Variants in GPRIN3 observed in about 807,000 individuals in gnomAD.
GPRIN3 encodes the protein G protein-regulated inducer of neurite outgrowth 3.
GPRIN3 carries 12 observed loss-of-function variants against 13.7 expected under a neutral mutation model. The ratio of observed to expected loss-of-function variants is 0.87; its 90% CI spans 0.56 to 1.42. The LOEUF (loss-of-function observed/expected upper bound fraction) is 1.42, where lower values mean the gene tolerates loss of function less well. Among genes scored for constraint, GPRIN3 ranks in the 40% most tolerant of loss-of-function variants. The probability of loss-of-function intolerance (pLI) is 0.00; values close to 1 mark genes in which losing one functional copy is unlikely to be tolerated. For synonymous variants in GPRIN3, 377 were observed against 372.7 expected (o/e 1.01, Z -0.13); for missense variants, 1,009 against 958.7 (o/e 1.05, Z -0.69).
At chr4:89,266,267 G>C (rs542541362) in intron 1 of GPRIN3, among the ~76,000 whole-genome samples, 1 of 152,080 alleles carries the variant, frequency 6.6e-6, no homozygotes, top group African/African-American at 2.4e-5. Flanking sequence ...TGCCCCTAAC[G>C]GACAGACAAA....
intron 1 of GPRIN3, among the ~76,000 whole-genome samples, chr4:89,297,009 C>T (rs548575724): frequency 6.6e-6 from 1 of 152,308 alleles, no homozygotes; most frequent in Admixed American, 6.5e-5. Context: ...ATTTGCATCA[C>T]CAACAGAGTC....
intron 1 of GPRIN3, among the ~76,000 whole-genome samples, chr4:89,267,965 G>C (rs1723827045): frequency 6.6e-6 from 1 of 152,150 alleles, no homozygotes; most frequent in South Asian, 2.1e-4. Context: ...TGACTTATCA[G>C]ATTGCGTGAT....
intron 1 of GPRIN3, among the ~76,000 whole-genome samples, chr4:89,262,009 C>G (rs922890698): frequency 6.6e-6 from 1 of 151,412 alleles, no homozygotes; most frequent in African/African-American, 2.4e-5. Flanking sequence ...GTGGTCCCAG[C>G]TACTTGGTTA....
rs139472074 is a variant in GPRIN3 at position 89,303,210 on chromosome 4, C to T, written c.-124+4405G>A. ...GATGGACAAGTCATAGAGCAACTGA[C>T]GAAAAGAAAATATGGCAGATGCTGC... On this transcript the variant is annotated intron_variant, in intron 1 of 1. Transcript: ENST00000609438. Among the ~76,000 whole-genome samples, 20 of 152,300 alleles carry T rather than the reference C, an allele frequency of 1.3e-4. No homozygotes were observed. In the East Asian group the frequency reaches 3.5e-3, roughly 26 times the overall value.
chr4:89,280,383 C>T (rs971110609), intron 1 of GPRIN3, among the ~76,000 whole-genome samples: 8 of 152,204 alleles, frequency 5.3e-5, no homozygotes, highest in East Asian at 1.9e-4. Context: ...ATGGTACCCA[C>T]ATATTTCAAG....
chr4:89,286,066 T>A (rs909987997), intron 1 of GPRIN3, among the ~76,000 whole-genome samples: 1 of 140,558 alleles, frequency 7.1e-6, no homozygotes, highest in Non-Finnish European at 1.5e-5. Flanking sequence ...GTTGCTCAAT[T>A]ACATGTGTAC....
chr4:89,292,011 T>C (rs1272517847), intron 1 of GPRIN3, among the ~76,000 whole-genome samples: 1 of 152,182 alleles, frequency 6.6e-6, no homozygotes, highest in Non-Finnish European at 1.5e-5. Context: ...GGTTTCTTTG[T>C]GGGTAAGGAA....
Position 89,248,887 on chromosome 4 carries a change from A to G in GPRIN3, c.1224T>C (p.Asn408=). The change falls in exon 2 of 2, where the codon AAT becomes AAC. Residue 408 remains asparagine, a synonymous_variant. Transcript: ENST00000609438. ...CCCCACCTGGTAGGCTCGCAAGTTT[A>G]TTTTCCCGTTGGAAAGCTGTAGACT... ...AAESTAFQRE[N]KLASLPGGVL... is the part of the protein sequence containing the mutation. 2.5e-6 allele frequency: 4 copies of G among 1,614,128 alleles called. No individual in the cohort carries two copies. The highest frequency in any genetic ancestry group is 3.4e-6 in the Non-Finnish European group (4 of 1,180,018).
chr4:89,259,352 T>A (rs1723564433), intron 1 of GPRIN3, among the ~76,000 whole-genome samples: 1 of 152,204 alleles, frequency 6.6e-6, no homozygotes, highest in Admixed American at 6.5e-5. Context: ...GCCTGACAAA[T>A]ATTCAAATCT....
chr4:89,263,264 G>A, intron 1 of GPRIN3, among the ~76,000 whole-genome samples: 1 of 152,170 alleles, frequency 6.6e-6, no homozygotes, highest in Non-Finnish European at 1.5e-5. Flanking sequence ...TACAAAATAA[G>A]ATGTATACAT....
rs751841148 is a variant in GPRIN3, at chr4:89,249,789, G to C, written c.322C>G (p.Pro108Ala). ...GNPQLPGSSQ[P>A]AASAPSSAAG... ...GCAGAACTCGGGGCTGATGCTGCGGGCTGGCTGCTCCCTGGCAGCTGGGGA... is the reference window on the plus strand; with the variant it reads ...GCAGAACTCGGGGCTGATGCTGCGGCCTGGCTGCTCCCTGGCAGCTGGGGA... Residue 108 changes from proline (P) to alanine (A), a missense_variant, in exon 2 of 2, where the codon CCC becomes GCC. Transcript: ENST00000609438. 10 of 1,614,188 alleles carry C rather than the reference G, an allele frequency of 6.2e-6. No individual in the cohort carries two copies. The highest frequency in any genetic ancestry group is 8.5e-6 in the Non-Finnish European group (10 of 1,180,024).
chr4:89,290,862 C>T (rs567808650), intron 1 of GPRIN3, among the ~76,000 whole-genome samples: 1 of 152,164 alleles, frequency 6.6e-6, no homozygotes, highest in African/African-American at 2.4e-5. Context: ...CCCATTCACA[C>T]ACAAACAGCA....
intron 1 of GPRIN3, among the ~76,000 whole-genome samples, chr4:89,287,640 A>G (rs1418474092): frequency 6.6e-6 from 1 of 152,182 alleles, no homozygotes; most frequent in African/African-American, 2.4e-5. Flanking sequence ...TCATTGGGAA[A>G]TTCAGTTCTA....
At chr4:89,267,742 T>G (rs1723819957) in intron 1 of GPRIN3, among the ~76,000 whole-genome samples, 1 of 152,206 alleles carries the variant, frequency 6.6e-6, no homozygotes. Context: ...AAGTGCTACA[T>G]GCATTTGAGT....
In GPRIN3 at chr4:89,248,914, A is replaced by G; in HGVS notation, c.1197T>C (p.Ala399=). The G allele has an allele frequency of 6.2e-7, 1 of 1,614,200 alleles. No individual in the cohort carries two copies. The highest frequency in any genetic ancestry group is 8.5e-7 in the Non-Finnish European group (1 of 1,180,022). Residue 399 remains alanine, a synonymous_variant, in exon 2 of 2, where the codon GCT becomes GCC. Transcript: ENST00000609438. ...TTTCCCGTTGGAAAGCTGTAGACTC[A>G]GCTGCAGCTGCCTGAATGTGCACCT... ...MPQVHIQAAA[A]ESTAFQRENK...
intron 1 of GPRIN3, among the ~76,000 whole-genome samples, chr4:89,261,271 C>A (rs978621575): frequency 6.6e-6 from 1 of 152,150 alleles, no homozygotes; most frequent in South Asian, 2.1e-4. Flanking sequence ...TGCTGGCCTC[C>A]GCTCCCCAGA....
intron 1 of GPRIN3, among the ~76,000 whole-genome samples, chr4:89,295,914 A>C (rs1018931884): frequency 2.6e-5 from 4 of 152,182 alleles, no homozygotes; most frequent in Non-Finnish European, 5.9e-5. Flanking sequence ...GCCTTGCCCT[A>C]AAAAATAACA....
At chr4:89,270,957 G>A (rs75802168) in intron 1 of GPRIN3, among the ~76,000 whole-genome samples, 1 of 152,114 alleles carries the variant, frequency 6.6e-6, no homozygotes, top group Non-Finnish European at 1.5e-5. Context: ...AATGCTCAGG[G>A]ATAGGTACCG....
In GPRIN3 at chr4:89,250,752, A is replaced by G. The variant is rs977002287; in HGVS notation, c.-123-519T>C. ...AGTTATTTCATAGAAGGAGTTGGCA[A>G]ACTGTTCATGCATCTGGAAGAAAAG... On this transcript the variant is annotated intron_variant, in intron 1 of 1. Transcript: ENST00000609438. The G allele has an allele frequency of 2.6e-5, 4 of 152,206 alleles. No individual in the cohort carries two copies. The East Asian group carries it at 5.8e-4, about 22-fold the overall frequency. The allele number at this position is 152,206 out of a possible 1,614,324, so 9.4% of individuals were successfully genotyped here. A position where few individuals can be genotyped will look rare whatever the true frequency, so the allele number is the denominator to read the frequency against.
Sources: allele counts gnomAD v4.1 joint callset (sites outside exome capture counted in the v4.1 genomes callset), GRCh38; gene constraint gnomAD v4.1.1; transcripts MANE v1.5; gene names NCBI Gene and HGNC (gene_info 2026-07-23, HGNC 2026-07-21).